The following SPICE1 variants were observed in gnomAD, a reference collection of about 807,000 sequenced individuals.
The protein encoded by SPICE1 is spindle and centriole associated protein 1.
In SPICE1, 75 loss-of-function variants were observed where a neutral mutation model predicts 102.7. The ratio of observed to expected loss-of-function variants is 0.73; its 90% CI spans 0.61 to 0.88. SPICE1 has a LOEUF of 0.88. SPICE1 is among the 40% of genes least tolerant of loss of function. SPICE1 has a pLI of 0.00. For missense variants in SPICE1, 979 were observed against 1,020.1 expected (o/e 0.96, Z 0.55); for synonymous variants, 308 against 350.3 (o/e 0.88, Z 1.35).
chr3:113,493,194 G>A lies in SPICE1; in HGVS notation c.492+12C>T, dbSNP rs1471884. On this transcript the variant is annotated intron_variant, in intron 6 of 17. Coordinates refer to ENST00000295872, the MANE Select transcript of SPICE1 (RefSeq NM_144718.4). ...CAGCATGAGTGTTATAGCTGTGAGT[G>A]GAACACATTACCTGAGGTTCTATGA... The A allele has an allele frequency of 0.26, 397,489 of 1,558,780 alleles. 55,002 individuals carry two copies. Among genetic ancestry groups the A allele is most frequent in the African/African-American group, 0.53 (38,335 of 72,656 alleles).
At position 113,499,596 on chromosome 3, in the gene SPICE1, A is replaced by G. The variant is rs748725022; in HGVS notation, c.148-14T>C. 6.4e-6 allele frequency: 10 copies of G among 1,573,906 alleles called. No individual in the cohort carries two copies. The Admixed American group carries it at 1.8e-4, about 29-fold the overall frequency. ...ATGACGGCGTACCTATACAGAAGAG[A>G]AAAGTACATAAAGGAATGTTTCAGA... On this transcript the variant is annotated splice_polypyrimidine_tract_variant and intron_variant, in intron 3 of 17. Transcript: ENST00000295872.
At chr3:113,477,406 T>C (rs1277568257) in intron 7 of SPICE1, among the ~76,000 whole-genome samples, 1 of 151,722 alleles carries the variant, frequency 6.6e-6, no homozygotes, top group Non-Finnish European at 1.5e-5. Flanking sequence ...GAACTAGAAA[T>C]ACCATTTGAC....
chr3:113,474,846 A>G (rs1298800703), intron 7 of SPICE1, among the ~76,000 whole-genome samples: 1 of 152,254 alleles, frequency 6.6e-6, no homozygotes, highest in African/African-American at 2.4e-5. Flanking sequence ...GGAAAGATCC[A>G]AAATTGACAC....
intron 12 of SPICE1, among the ~76,000 whole-genome samples, chr3:113,459,018 C>T (rs1935858613): frequency 6.6e-6 from 1 of 152,122 alleles, no homozygotes; most frequent in South Asian, 2.1e-4. Context: ...CAGATTGTTA[C>T]TGTGTCTGTG....
chr3:113,445,680 A>T (rs887497312), intron 17 of SPICE1, among the ~76,000 whole-genome samples: 3 of 152,208 alleles, frequency 2.0e-5, no homozygotes, highest in Non-Finnish European at 2.9e-5. Context: ...AATGCTACTA[A>T]ATTCCAGGAA....
At chr3:113,481,864 A>C (rs1405105774) in intron 7 of SPICE1, among the ~76,000 whole-genome samples, 6 of 152,108 alleles carry the variant, frequency 3.9e-5, no homozygotes, top group Non-Finnish European at 7.4e-5. Flanking sequence ...GTGAATAGTG[A>C]TGCAATAAAC....
rs1380068547 is a variant in SPICE1, at chr3:113,443,480, T to G, written c.*1827A>C. The G allele has an allele frequency of 1.3e-5, 2 of 152,212 alleles. No individual in the cohort carries two copies. The highest frequency in any genetic ancestry group is 4.8e-5 in the African/African-American group (2 of 41,448). 9.4% of individuals were successfully genotyped at this position (152,212 alleles called of 1,614,324 possible). A position where few individuals can be genotyped will look rare whatever the true frequency, so the allele number is the denominator to read the frequency against. On this transcript the variant is annotated 3_prime_UTR_variant, in exon 18 of 18. Transcript: ENST00000295872. ...GGCTCAGCATCCTCATCTGTAAAGGTGCTGGGAGAGGAGGAAGCATTTACA... is the reference window on the plus strand; with the variant it reads ...GGCTCAGCATCCTCATCTGTAAAGGGGCTGGGAGAGGAGGAAGCATTTACA...
At chr3:113,476,317 C>T (rs1295971593) in intron 7 of SPICE1, among the ~76,000 whole-genome samples, 1 of 151,374 alleles carries the variant, frequency 6.6e-6, no homozygotes, top group Non-Finnish European at 1.5e-5. Context: ...ATTCCATGCT[C>T]ATGGGTAGGA....
intron 7 of SPICE1, among the ~76,000 whole-genome samples, chr3:113,475,206 C>A (rs1230046047): frequency 6.6e-6 from 1 of 152,206 alleles, no homozygotes; most frequent in Non-Finnish European, 1.5e-5. Context: ...AATTCCTCGA[C>A]ACATACATCC....
Position 113,494,133 on chromosome 3 carries a change from C to A in SPICE1, c.301G>T (p.Asp101Tyr). 1 of 1,599,658 alleles carries A rather than the reference C, an allele frequency of 6.3e-7. No homozygotes were observed. The highest frequency in any genetic ancestry group is 8.5e-7 in the Non-Finnish European group (1 of 1,170,710). ...AACACATCTTGCATCTGGTATTGAT[C>A]AGAAAGAATCTAGACATGTGTTAAT... ...RLSIMKEILS[D>Y]QYQMQDVLEK... The change falls in exon 5 of 18, where the codon GAT becomes TAT. Residue 101 changes from aspartate to tyrosine, a missense_variant. Asp to Tyr is a radical substitution (Grantham distance 160, BLOSUM62 -3). Transcript: ENST00000295872.
chr3:113,493,671 A>G (rs1258913936), intron 5 of SPICE1, among the ~76,000 whole-genome samples: 1 of 152,264 alleles, frequency 6.6e-6, no homozygotes, highest in African/African-American at 2.4e-5. Flanking sequence ...CTACACACAC[A>G]TTAAAATAAA....
intron 2 of SPICE1, 25 bp downstream of exon 2, chr3:113,506,482 T>G: frequency 6.4e-7 from 1 of 1,558,550 alleles, no homozygotes; most frequent in Non-Finnish European, 8.8e-7. Context: ...AATGTTACAT[T>G]ATTTACTATC....
Position 113,503,171 on chromosome 3 carries a change from TA to T in SPICE1, c.147+8del. 6.2e-7 allele frequency: 1 copy of T among 1,607,426 alleles called. No homozygotes were observed. On this transcript the variant is annotated splice_region_variant and intron_variant, in intron 3 of 17. Coordinates refer to ENST00000295872, the MANE Select transcript of SPICE1 (RefSeq NM_144718.4). ...GAATAAATGACTTAAGTTTTGATAT[TA>T]AACTCACCAGATCTTCGGGAGTTGC...
chr3:113,495,681 A>G (rs2107497618), intron 4 of SPICE1, among the ~76,000 whole-genome samples: 1 of 152,340 alleles, frequency 6.6e-6, no homozygotes, highest in South Asian at 2.1e-4. Context: ...CACAAACCAA[A>G]TTTCTATTCT....
chr3:113,499,483 C>T lies in SPICE1; in HGVS notation c.247G>A (p.Glu83Lys), dbSNP rs1352654944. The T allele has an allele frequency of 6.2e-7, 1 of 1,613,304 alleles. No homozygotes were observed. The highest frequency in any genetic ancestry group is 1.1e-5 in the South Asian group (1 of 91,038). ...CTTCTTTTCTCAAGATTTAAAGTTT[C>T]TGGTTTCTGCTTCCTCCATTTTCTC... ...LKRKWRKQKPETLNLEKRRLS... is the reference protein window; with the variant it reads ...LKRKWRKQKPKTLNLEKRRLS... The change falls in exon 4 of 18, where the codon GAA (glutamate) becomes AAA (lysine). Residue 83 changes from glutamate to lysine, a missense_variant. Coordinates refer to ENST00000295872, the MANE Select transcript of SPICE1 (RefSeq NM_144718.4).
At chr3:113,457,655 CT>C (rs1272414600) in intron 12 of SPICE1, among the ~76,000 whole-genome samples, 1 of 152,064 alleles carries the variant, frequency 6.6e-6, no homozygotes, top group Non-Finnish European at 1.5e-5. Flanking sequence ...CAGAGTTTGT[CT>C]TTTCCATTTT....
intron 1 of SPICE1, among the ~76,000 whole-genome samples, chr3:113,510,832 C>A (rs1044219003): frequency 6.6e-6 from 1 of 152,086 alleles, no homozygotes; most frequent in African/African-American, 2.4e-5. Flanking sequence ...AAACAGACAA[C>A]CTACAAAATG....
At chr3:113,454,993 G>C (rs1000041775) in intron 13 of SPICE1, among the ~76,000 whole-genome samples, 1 of 149,432 alleles carries the variant, frequency 6.7e-6, no homozygotes, top group African/African-American at 2.6e-5. Flanking sequence ...CCTTGTTATT[G>C]ATCCTTGTAG....
chr3:113,455,404 CTAGCTA>C (rs1305149510), intron 13 of SPICE1, among the ~76,000 whole-genome samples: 2 of 152,150 alleles, frequency 1.3e-5, no homozygotes, highest in Non-Finnish European at 2.9e-5. Context: ...ATGGCAGCCT[CTAGCTA>C]TATGTGGCTA....
Sources: allele counts gnomAD v4.1 joint callset (sites outside exome capture counted in the v4.1 genomes callset), GRCh38; gene constraint gnomAD v4.1.1; transcripts MANE v1.5; gene names NCBI Gene and HGNC (gene_info 2026-07-23, HGNC 2026-07-21).